Variants in NHSL1 observed in about 807,000 individuals in gnomAD.
NHSL1 encodes the protein NHS like 1.
In NHSL1, 48 loss-of-function variants were observed where a neutral mutation model predicts 95.0. That is an observed-to-expected ratio of 0.51 (90% CI 0.40 to 0.64). The LOEUF is 0.64. Ranked by LOEUF, NHSL1 falls within the 30% of genes least tolerant of loss-of-function variation. The pLI is 0.00. For missense variants in NHSL1, 1,971 were observed against 2,077.7 expected (o/e 0.95, Z 1.00); for synonymous variants, 783 against 833.9 (o/e 0.94, Z 1.05).
Position 138,431,246 on chromosome 6 carries a change from G to A in NHSL1, c.3099C>T (p.Asp1033=), listed in dbSNP as rs1327508619. 1.8e-5 allele frequency: 28 copies of A among 1,514,658 alleles called. No homozygotes were observed. Among genetic ancestry groups the A allele is most frequent in the Non-Finnish European group, 2.4e-5 (27 of 1,127,694 alleles). The allele number at this position is 1,514,658 out of a possible 1,614,324, so 93.8% of individuals were successfully genotyped here. The change falls in exon 6 of 8, where the codon GAC becomes GAT. Residue 1033 remains aspartate, a synonymous_variant. Transcript: ENST00000343505. This position sits in a 1 kb window ranked among gnomAD's most constrained non-coding sequence, Gnocchi z 4.0. ...APPLDPKFMK[D]TRPPFTNSGQ... is the part of the protein sequence containing the mutation. ...CAGAATTTGTGAAAGGCGGCCTGGT[G>A]TCTTTCATGAATTTGGGGTCAAGAG...
At chr6:138,534,874 G>A (rs1782275094) in intron 1 of NHSL1, among the ~76,000 whole-genome samples, 1 of 152,216 alleles carries the variant, frequency 6.6e-6, no homozygotes, top group African/African-American at 2.4e-5. Context: ...AGCTGGGACT[G>A]TAGTTCGGCA....
chr6:138,429,878 A>C (rs1435848014), intron 6 of NHSL1, 35 bp from the exon 7 acceptor site: 3 of 1,532,756 alleles, frequency 2.0e-6, no homozygotes, highest in Non-Finnish European at 2.6e-6. Flanking sequence ...AAGACGCACA[A>C]GTGACTGGAA....
At chr6:138,500,387 A>G (rs1161531607), upstream of NHSL1, among the ~76,000 whole-genome samples, 1 of 152,226 alleles carries the variant, frequency 6.6e-6, no homozygotes, top group Non-Finnish European at 1.5e-5. Context: ...GGCACTGAAA[A>G]AACATATTCC....
intron 1 of NHSL1, among the ~76,000 whole-genome samples, chr6:138,688,965 T>G (rs1394435462): frequency 3.3e-5 from 5 of 152,228 alleles, no homozygotes; most frequent in Non-Finnish European, 7.3e-5. Context: ...ATTTTTGTAC[T>G]TGTACTTAGT....
Position 138,424,159 on chromosome 6 carries a change from G to C in NHSL1, c.4743C>G (p.Gly1581=). The change falls in exon 8 of 8, where the codon GGC becomes GGG. Residue 1581 remains glycine (G), a synonymous_variant. Coordinates refer to ENST00000343505, the MANE Select transcript of NHSL1 (RefSeq NM_001144060.2). The surrounding 1 kb of genome is among the most constrained non-coding windows in gnomAD (Gnocchi z 5.9). ...PAASLQPQAP[G]PVDGTASAEG... ...CTGCACTGGCTGTCCCATCCACAGG[G>C]CCGGGGGCCTGGGGCTGCAGGGAGG... is the stretch of plus-strand genomic sequence containing the variant. 6.9e-7 allele frequency: 1 copy of C among 1,453,106 alleles called. No homozygotes were observed. The highest frequency in any genetic ancestry group is 1.4e-5 in the African/African-American group (1 of 70,124). 90.0% of individuals were successfully genotyped at this position (1,453,106 alleles called of 1,614,324 possible). A position where few individuals can be genotyped will look rare whatever the true frequency, so the allele number is the denominator to read the frequency against.
At chr6:138,556,065 A>G (rs1178950310) in intron 1 of NHSL1, among the ~76,000 whole-genome samples, 2 of 152,120 alleles carry the variant, frequency 1.3e-5, no homozygotes, top group Non-Finnish European at 2.9e-5. Context: ...CACATGTCCA[A>G]TTTAAAGACT....
rs1213743828 is a variant in NHSL1, at chr6:138,692,067, A to G, written c.96+409T>C. ...TCCTGAAGTCTCCAAAACTGTAACT[A>G]CTATATGCCCAAATTTATATTCTCC... On this transcript the variant is annotated intron_variant, in intron 1 of 3. Coordinates refer to the NHSL1 transcript ENST00000491526. This position sits in a 1 kb window ranked among gnomAD's most constrained non-coding sequence, Gnocchi z 4.0. The G allele has an allele frequency of 6.6e-6, 3 of 456,560 alleles. No individual in the cohort carries two copies. Among genetic ancestry groups the G allele is most frequent in the East Asian group, 1.4e-4 (2 of 14,374 alleles). 28.3% of individuals were successfully genotyped at this position (456,560 alleles called of 1,614,324 possible).
intron 2 of NHSL1, among the ~76,000 whole-genome samples, chr6:138,473,807 CT>C (rs1778902241): frequency 6.6e-6 from 1 of 151,528 alleles, no homozygotes; most frequent in Admixed American, 6.6e-5. Flanking sequence ...AATCCAGGGC[CT>C]TAGTTACCAG....
intron 1 of NHSL1, among the ~76,000 whole-genome samples, chr6:138,646,523 A>G (rs955333763): frequency 1.3e-5 from 2 of 152,116 alleles, no homozygotes; most frequent in Non-Finnish European, 2.9e-5. Context: ...ATTCTTATCA[A>G]TACTTCATGG....
chr6:138,591,853 G>A (rs1784233945), intron 1 of NHSL1, among the ~76,000 whole-genome samples: 1 of 152,052 alleles, frequency 6.6e-6, no homozygotes, highest in Admixed American at 6.6e-5. Flanking sequence ...TCCATGCTGT[G>A]GACACACACT....
In NHSL1 at chr6:138,659,389, G is replaced by A. The variant is rs142685384; in HGVS notation, c.96+33087C>T. ...TAATGTTTGTAAAAATCACCCTCAC[G>A]CTCCTCTTGGCTACTACTGAACATA... On this transcript the variant is annotated intron_variant, in intron 1 of 3. Coordinates refer to the NHSL1 transcript ENST00000491526. Among the ~76,000 whole-genome samples, 1,061 of 152,008 alleles carry A rather than the reference G, an allele frequency of 7.0e-3. 4 individuals carry two copies. The highest frequency in any genetic ancestry group is 0.011 in the Non-Finnish European group (762 of 67,954).
intron 3 of NHSL1, among the ~76,000 whole-genome samples, chr6:138,451,820 C>T (rs926076319): frequency 6.6e-6 from 1 of 152,150 alleles, no homozygotes; most frequent in Admixed American, 6.5e-5. Flanking sequence ...ACTAGGTCTT[C>T]TGGTCTCAAA....
At chr6:138,480,246 T>C (rs1779333298) in intron 2 of NHSL1, among the ~76,000 whole-genome samples, 2 of 152,228 alleles carry the variant, frequency 1.3e-5, no homozygotes, top group South Asian at 2.1e-4. Context: ...TTCTGTATAA[T>C]GCAGGTTTCA....
At chr6:138,547,331 A>T (rs1272814835), upstream of NHSL1, among the ~76,000 whole-genome samples, 12 of 30,820 alleles carry the variant, frequency 3.9e-4, no homozygotes, top group Non-Finnish European at 1.0e-3. Context: ...GTTAGGATTA[A>T]AAAAAAAAAA....
In NHSL1 at chr6:138,462,747, G is replaced by A. The variant is rs563147621; in HGVS notation, c.339+10559C>T. 1.5e-3 allele frequency among the ~76,000 whole-genome samples: 225 copies of A among 152,308 alleles called. 1 individual carries two copies. Among genetic ancestry groups the A allele is most frequent in the African/African-American group, 5.2e-3 (218 of 41,556 alleles). ...ATACATTTACAGTGAAATATACCTTGGCGTTCTTCTCTAGCCTCATTTAAC... is the reference window on the plus strand; with the variant it reads ...ATACATTTACAGTGAAATATACCTTAGCGTTCTTCTCTAGCCTCATTTAAC... On this transcript the variant is annotated intron_variant, in intron 3 of 7. Transcript: ENST00000343505.
At chr6:138,639,913 C>G (rs1196670819) in intron 1 of NHSL1, among the ~76,000 whole-genome samples, 1 of 135,100 alleles carries the variant, frequency 7.4e-6, no homozygotes, top group Non-Finnish European at 1.5e-5. Flanking sequence ...CAAAATGCAG[C>G]TTTTCTCCAC....
chr6:138,568,461 C>T (rs922378361), intron 1 of NHSL1, among the ~76,000 whole-genome samples: 2 of 152,186 alleles, frequency 1.3e-5, no homozygotes, highest in Non-Finnish European at 2.9e-5. Flanking sequence ...ATAAAGAAGA[C>T]ACTGATTCAC....
chr6:138,429,464 C>T (rs138263008), intron 7 of NHSL1, among the ~76,000 whole-genome samples: 3 of 152,244 alleles, frequency 2.0e-5, no homozygotes, highest in East Asian at 1.9e-4. Context: ...GGAAGAGCAG[C>T]GCCTACCAGA....
At chr6:138,519,187 C>T (rs1781575881) in intron 1 of NHSL1, among the ~76,000 whole-genome samples, 1 of 151,884 alleles carries the variant, frequency 6.6e-6, no homozygotes. Flanking sequence ...AAAAAAAAGC[C>T]TTACCATGTG....
Sources: allele counts gnomAD v4.1 joint callset (sites outside exome capture counted in the v4.1 genomes callset), GRCh38; gene constraint gnomAD v4.1.1; non-coding constraint Gnocchi (gnomAD v3.1); transcripts MANE v1.5; gene names NCBI Gene and HGNC (gene_info 2026-07-23, HGNC 2026-07-21).